Variants in USH2A observed in about 807,000 individuals in gnomAD.
The protein encoded by USH2A is usherin, also known as Usher syndrome 2A (autosomal recessive, mild).
A neutral mutation model predicts 538.9 loss-of-function variants in USH2A; 443 were observed. The observed-to-expected ratio is 0.82, with a 90% CI of 0.76 to 0.89. The LOEUF is 0.89. Among genes scored for constraint, USH2A ranks in the 40% least tolerant of loss-of-function variants. The pLI is 0.00. For synonymous variants in USH2A, 2,413 were observed against 2,273.5 expected (o/e 1.06, Z -1.75); for missense variants, 6,633 against 6,324.8 (o/e 1.05, Z -1.65).
chr1:216,420,726 C>G (rs917144652), intron 2 of USH2A, among the ~76,000 whole-genome samples: 1 of 152,110 alleles, frequency 6.6e-6, no homozygotes, highest in African/African-American at 2.4e-5. Context: ...AACTGAGTAG[C>G]TTGAATTTAC....
chr1:215,945,436 C>A (rs1017784835), intron 37 of USH2A, among the ~76,000 whole-genome samples: 7 of 152,054 alleles, frequency 4.6e-5, no homozygotes, highest in African/African-American at 1.7e-4. Context: ...TAAATAATAT[C>A]TTTGTCATGA....
chr1:216,382,529 T>C (rs1158074519), intron 3 of USH2A, among the ~76,000 whole-genome samples: 1 of 152,116 alleles, frequency 6.6e-6, no homozygotes. Context: ...ACTGAAGAAA[T>C]CTTAAAACTA....
In USH2A at chr1:216,086,706, T is replaced by C; in HGVS notation, c.4987+13A>G. On this transcript the variant is annotated intron_variant, in intron 24 of 71. Transcript: ENST00000307340. ...TTTGGATGACAACATATAATATACC[T>C]TACTAAACTCACCAGGATCCTTCCT... 1 of 1,594,364 alleles carries C rather than the reference T, an allele frequency of 6.3e-7. No homozygotes were observed. Among genetic ancestry groups the C allele is most frequent in the Non-Finnish European group, 8.6e-7 (1 of 1,163,084 alleles).
chr1:216,284,617 A>G (rs1357584330), intron 11 of USH2A, among the ~76,000 whole-genome samples: 1 of 152,226 alleles, frequency 6.6e-6, no homozygotes. Context: ...AAGACACCCA[A>G]AAAAGTGGAA....
At chr1:215,961,168 A>G (rs1008676595) in intron 37 of USH2A, among the ~76,000 whole-genome samples, 2 of 152,090 alleles carry the variant, frequency 1.3e-5, no homozygotes, top group African/African-American at 4.8e-5. Context: ...ATAAACATTT[A>G]AAATCGTGGC....
chr1:216,058,355 T>C (rs1473561775), intron 30 of USH2A, among the ~76,000 whole-genome samples: 1 of 149,246 alleles, frequency 6.7e-6, no homozygotes, highest in African/African-American at 2.5e-5. Flanking sequence ...TACATAATCT[T>C]ATACTTCAGA....
At position 216,048,677 on chromosome 1, in the gene USH2A, C is replaced by G. The variant is rs377733558; in HGVS notation, c.6050-30G>C. 5.1e-5 allele frequency: 80 copies of G among 1,567,170 alleles called. 1 individual carries two copies. In the South Asian group the frequency reaches 5.2e-4, roughly 10 times the overall value. On this transcript the variant is annotated intron_variant, in intron 30 of 71. Coordinates refer to ENST00000307340, the MANE Select transcript of USH2A (RefSeq NM_206933.4). ...AATAAAAAGGGACAAAAGAGGGTTG[C>G]GTGTTTACCATAAGCATCAATAAAG...
Position 215,870,292 on chromosome 1 carries a change from T to A in USH2A, c.8682-3122A>T, listed in dbSNP as rs576846521. Among the ~76,000 whole-genome samples, 84 of 151,380 alleles carry A rather than the reference T, an allele frequency of 5.5e-4. 1 individual carries two copies. The highest frequency in any genetic ancestry group is 1.7e-3 in the African/African-American group (72 of 41,170). ...AGATTTTTTTTTTATTTTTTATTTT[T>A]TTTTTATTTATTTATTTTTTTGAGA... is the stretch of plus-strand genomic sequence containing the variant. On this transcript the variant is annotated intron_variant, in intron 43 of 71. Transcript: ENST00000307340.
intron 60 of USH2A, among the ~76,000 whole-genome samples, chr1:215,731,945 T>A (rs914070006): frequency 1.3e-5 from 2 of 152,202 alleles, no homozygotes; most frequent in Admixed American, 6.5e-5. Context: ...CCTGTCTGTG[T>A]CCTCTAGTTT....
In USH2A at chr1:215,790,238, T is replaced by G. The variant is rs759393994; in HGVS notation, c.10003A>C (p.Ile3335Leu). The G allele has an allele frequency of 3.3e-5, 53 of 1,613,958 alleles. No individual in the cohort carries two copies. In the South Asian group the frequency reaches 5.6e-4, roughly 17 times the overall value. The change falls in exon 51 of 72, where the codon ATA (isoleucine) becomes CTA (leucine). Residue 3335 changes from isoleucine (I) to leucine (L), a missense_variant. Ile to Leu is a conservative substitution (Grantham distance 5). Coordinates refer to ENST00000307340, the MANE Select transcript of USH2A (RefSeq NM_206933.4). The stretch of plus-strand genomic sequence containing the variant: ...TCTCCACTGGAAGCTGAGCAGCATA[T>G]GGTATCTGACATATTCACATAATCC... Reference protein sequence around the residue: ...GQDYVNMSDTICCSASSGESK... With the variant: ...GQDYVNMSDTLCCSASSGESK...
intron 64 of USH2A, among the ~76,000 whole-genome samples, chr1:215,653,030 A>C (rs529720496): frequency 6.6e-6 from 1 of 152,362 alleles, no homozygotes; most frequent in East Asian, 1.9e-4. Context: ...AGATGAAATA[A>C]GCATAATTCA....
At chr1:216,295,859 C>T (rs999785783) in intron 9 of USH2A, among the ~76,000 whole-genome samples, 1 of 151,856 alleles carries the variant, frequency 6.6e-6, no homozygotes, top group African/African-American at 2.4e-5. Flanking sequence ...TTCTATTGTT[C>T]TATTTTAATA....
chr1:216,281,609 T>C (rs745737708), intron 11 of USH2A, among the ~76,000 whole-genome samples: 1 of 152,198 alleles, frequency 6.6e-6, no homozygotes, highest in Non-Finnish European at 1.5e-5. Flanking sequence ...TACTACATTT[T>C]ATCTATTCAT....
rs1237514743 is a variant in USH2A at position 215,888,533 on chromosome 1, G to A, written c.8116C>T (p.His2706Tyr). The change falls in exon 41 of 72, where the codon CAT becomes TAT. Residue 2706 changes from histidine to tyrosine, a missense_variant. His to Tyr is a moderately conservative substitution (Grantham distance 83). Transcript: ENST00000307340. The part of the protein sequence containing the change: ...YEYRVLMSTL[H>Y]GGTNSSAWVE... Reference sequence around the variant, plus strand: ...CAAGCACTGCTGTTTGTGCCTCCATGAAGAGTGCTCATCAGTACCCGATAT... The same window carrying A: ...CAAGCACTGCTGTTTGTGCCTCCATAAAGAGTGCTCATCAGTACCCGATAT... The A allele has an allele frequency of 1.2e-6, 2 of 1,614,158 alleles. No homozygotes were observed. The highest frequency in any genetic ancestry group is 1.1e-5 in the South Asian group (1 of 91,084).
chr1:216,082,659 AAAGAC>A (rs1251257711), intron 26 of USH2A, among the ~76,000 whole-genome samples: 3 of 152,146 alleles, frequency 2.0e-5, no homozygotes, highest in African/African-American at 7.2e-5. Flanking sequence ...ACTAATGATT[AAAGAC>A]AAGGAAAAGC....
At chr1:215,996,257 T>A (rs1668133125) in intron 34 of USH2A, among the ~76,000 whole-genome samples, 1 of 152,146 alleles carries the variant, frequency 6.6e-6, no homozygotes, top group African/African-American at 2.4e-5. Context: ...TCCACAGGGA[T>A]TGGGGATGTT....
intron 16 of USH2A, 69 bp from the exon 17 acceptor site, chr1:216,200,190 C>A: frequency 6.8e-7 from 1 of 1,464,718 alleles, no homozygotes; most frequent in Non-Finnish European, 9.3e-7. Context: ...TTGCTAACTG[C>A]TTTCCTATCA....
chr1:216,364,644 G>C (rs2038559122), intron 4 of USH2A, among the ~76,000 whole-genome samples: 1 of 152,088 alleles, frequency 6.6e-6, no homozygotes, highest in South Asian at 2.1e-4. Context: ...ATTGCAGTTA[G>C]GAAGCAGCAA....
At chr1:215,768,876 T>C (rs188538732) in intron 55 of USH2A, among the ~76,000 whole-genome samples, 84 of 152,296 alleles carry the variant, frequency 5.5e-4, no homozygotes, top group African/African-American at 2.0e-3. Flanking sequence ...TGAGCGAGTC[T>C]TTTTGGGAGG....
Sources: allele counts gnomAD v4.1 joint callset (sites outside exome capture counted in the v4.1 genomes callset), GRCh38; gene constraint gnomAD v4.1.1; transcripts MANE v1.5; gene names NCBI Gene and HGNC (gene_info 2026-07-23, HGNC 2026-07-21).